ZEB2: variants seen among roughly 807,000 people sequenced by gnomAD.
The protein encoded by ZEB2 is zinc finger E-box binding homeobox 2.
Under a neutral mutation model 99.9 loss-of-function variants are expected in ZEB2, and 6 were observed. The observed-to-expected ratio is 0.06, with a 90% CI of 0.03 to 0.12. The LOEUF is 0.12. ZEB2 is among the 10% of genes least tolerant of loss of function. ZEB2 has a pLI of 1.00. For synonymous variants in ZEB2, 517 were observed against 542.5 expected, an observed-to-expected ratio of 0.95 and a Z score of 0.65; for missense variants, 969 against 1,502.8, an observed-to-expected ratio of 0.64 and a Z score of 5.87.
At chr2:144,411,685 AC>A (rs1703467071) in intron 4 of ZEB2, among the ~76,000 whole-genome samples, 2 of 152,230 alleles carry the variant, frequency 1.3e-5, no homozygotes, top group African/African-American at 2.4e-5. Flanking sequence ...GGGAATTAGT[AC>A]AGCATCTTGG....
intron 2 of ZEB2, among the ~76,000 whole-genome samples, chr2:144,483,766 T>C (rs1296214967): frequency 1.3e-5 from 2 of 152,200 alleles, no homozygotes; most frequent in Admixed American, 1.3e-4. Context: ...TTCTTGTAAC[T>C]ACCTCAAAGG....
chr2:144,404,267 GC>G, intron 5 of ZEB2, 137 bp from the exon 6 acceptor site: 3 of 943,568 alleles, frequency 3.2e-6, no homozygotes, highest in South Asian at 1.4e-5. Context: ...ATTGCACCCG[GC>G]CCCCTCGCAC....
intron 2 of ZEB2, chr2:144,461,890 G>C (rs1300681846): frequency 6.6e-6 from 1 of 152,064 alleles, no homozygotes; most frequent in Non-Finnish European, 1.5e-5. Flanking sequence ...CTAAAAATTA[G>C]GCCTGAAATA....
At chr2:144,460,338 G>C (rs1704175093) in intron 2 of ZEB2, among the ~76,000 whole-genome samples, 1 of 152,130 alleles carries the variant, frequency 6.6e-6, no homozygotes, top group East Asian at 1.9e-4. Flanking sequence ...TATGGGGTGG[G>C]TGGTTGTTCT....
chr2:144,440,690 G>A (rs1703903768), intron 2 of ZEB2, among the ~76,000 whole-genome samples: 1 of 151,794 alleles, frequency 6.6e-6, no homozygotes, highest in Non-Finnish European at 1.5e-5. Context: ...AGGGGCAGGA[G>A]TGGGTGGCTG....
chr2:144,387,213 T>G lies in ZEB2; in HGVS notation c.*2238A>C, dbSNP rs1703097814. 6.6e-6 allele frequency: 1 copy of G among 151,960 alleles called. No individual in the cohort carries two copies. The highest frequency in any genetic ancestry group is 1.5e-5 in the Non-Finnish European group (1 of 67,982). The allele number at this position is 151,960 out of a possible 1,614,324, so 9.4% of individuals were successfully genotyped here. On this transcript the variant is annotated 3_prime_UTR_variant, in exon 10 of 10. Transcript: ENST00000627532. ...TATCATACTCAAAATTTTAGCAAATTTAATAGCAAAATGATGCTTTTCTTC... is the reference window on the plus strand; with the variant it reads ...TATCATACTCAAAATTTTAGCAAATGTAATAGCAAAATGATGCTTTTCTTC...
intron 3 of ZEB2, chr2:144,428,132 TTGG>T (rs1703714061): frequency 1.3e-5 from 2 of 152,226 alleles, no homozygotes; most frequent in Admixed American, 1.3e-4. Context: ...ATTCTAGTAA[TTGG>T]TCCTTACCCT....
At chr2:144,435,101 G>GT (rs973763568) in intron 2 of ZEB2, among the ~76,000 whole-genome samples, 6 of 152,148 alleles carry the variant, frequency 3.9e-5, no homozygotes, top group African/African-American at 1.4e-4. Flanking sequence ...GTGCTGCAAT[G>GT]TGTGGTGGCT....
At chr2:144,435,746 A>G (rs1246084135) in intron 2 of ZEB2, among the ~76,000 whole-genome samples, 1 of 152,142 alleles carries the variant, frequency 6.6e-6, no homozygotes, top group Non-Finnish European at 1.5e-5. Flanking sequence ...ACGTCTTTAC[A>G]TGTGGCAAGT....
intron 2 of ZEB2, chr2:144,431,093 A>AG (rs1044906942): frequency 1.3e-5 from 2 of 152,144 alleles, no homozygotes; most frequent in African/African-American, 4.8e-5. Flanking sequence ...GGAGAGAGAA[A>AG]GGGGGAAAAA....
chr2:144,394,121 A>C (rs539896997), intron 9 of ZEB2, among the ~76,000 whole-genome samples: 1 of 152,236 alleles, frequency 6.6e-6, no homozygotes, highest in Non-Finnish European at 1.5e-5. Context: ...GGGTTTCTCC[A>C]TGTTGGTCAG....
intron 2 of ZEB2, among the ~76,000 whole-genome samples, chr2:144,499,581 T>C (rs1275960181): frequency 6.6e-6 from 1 of 152,216 alleles, no homozygotes; most frequent in Non-Finnish European, 1.5e-5. Flanking sequence ...TGTTTCTAGA[T>C]GGAATAACAA....
chr2:144,397,528 T>C (rs1167905196), intron 8 of ZEB2, among the ~76,000 whole-genome samples: 3 of 152,252 alleles, frequency 2.0e-5, no homozygotes, highest in South Asian at 4.1e-4. Context: ...TAAGAAGTCA[T>C]GTGAAATATG....
chr2:144,470,013 T>C (rs1329408347), intron 2 of ZEB2, among the ~76,000 whole-genome samples: 1 of 152,216 alleles, frequency 6.6e-6, no homozygotes, highest in African/African-American at 2.4e-5. Context: ...TGATGCAGAA[T>C]GCTTGCTTGG....
intron 6 of ZEB2, among the ~76,000 whole-genome samples, chr2:144,401,948 G>A (rs1703316500): frequency 6.6e-6 from 1 of 152,126 alleles, no homozygotes; most frequent in South Asian, 2.1e-4. Context: ...TTCCTGAGGT[G>A]TCGCCTATCA....
At chr2:144,464,732 C>A (rs1390402190) in intron 2 of ZEB2, among the ~76,000 whole-genome samples, 3 of 152,130 alleles carry the variant, frequency 2.0e-5, no homozygotes, top group Non-Finnish European at 2.9e-5. Flanking sequence ...CCAGTGACAT[C>A]TTCTCAAATA....
chr2:144,486,082 C>A (rs1434700864), intron 2 of ZEB2, among the ~76,000 whole-genome samples: 4 of 152,156 alleles, frequency 2.6e-5, no homozygotes, highest in African/African-American at 7.2e-5. Flanking sequence ...TATATTTTTA[C>A]CTATGATATG....
chr2:144,412,788 T>A (rs1392535515), intron 4 of ZEB2, among the ~76,000 whole-genome samples: 4 of 152,242 alleles, frequency 2.6e-5, no homozygotes, highest in Non-Finnish European at 5.9e-5. Context: ...CTTCACTTAC[T>A]GAATGTCATC....
At chr2:144,476,046 A>G (rs1175251420) in intron 2 of ZEB2, among the ~76,000 whole-genome samples, 2 of 152,100 alleles carry the variant, frequency 1.3e-5, no homozygotes, top group African/African-American at 2.4e-5. Context: ...CTGTTTCTTG[A>G]TATCTACTTC....
Sources: allele counts gnomAD v4.1 joint callset (sites outside exome capture counted in the v4.1 genomes callset), GRCh38; gene constraint gnomAD v4.1.1; transcripts MANE v1.5; gene names NCBI Gene and HGNC (gene_info 2026-07-23, HGNC 2026-07-21).